LRRC8D: variants seen among roughly 807,000 people sequenced by gnomAD.
The protein encoded by LRRC8D is leucine rich repeat containing 8 VRAC subunit D, also known as volume-regulated anion channel subunit LRRC8D.
LRRC8D carries 20 observed loss-of-function variants against 55.8 expected under a neutral mutation model. The ratio of observed to expected loss-of-function variants is 0.36; its 90% CI spans 0.25 to 0.52. The LOEUF is 0.52. Ranked by LOEUF, LRRC8D falls within the 20% of genes least tolerant of loss-of-function variation. The pLI is 0.93. For synonymous variants in LRRC8D, 352 were observed against 377.0 expected (o/e 0.93, Z 0.77); for missense variants, 651 against 1,030.8 (o/e 0.63, Z 5.05).
intron 2 of LRRC8D, among the ~76,000 whole-genome samples, chr1:89,876,868 C>CCAA (rs1272006525): frequency 6.6e-6 from 1 of 152,226 alleles, no homozygotes; most frequent in East Asian, 1.9e-4. Context: ...CAAATAACTA[C>CCAA]ATGAAGATTG....
rs34852331 is a variant in LRRC8D at position 89,865,330 on chromosome 1, T to TTATATA, written c.-3+21573_-3+21578dup. ...GTACTAAATATGTATAAACATGAAA[T>TTATATA]TATATATATATATATATATATATAT... is the stretch of plus-strand genomic sequence containing the variant. On this transcript the variant is annotated intron_variant, in intron 2 of 2. Transcript: ENST00000337338. Among the ~76,000 whole-genome samples, 535 of 139,248 alleles carry TTATATA rather than the reference T, an allele frequency of 3.8e-3. 1 individual carries two copies. Among genetic ancestry groups the TTATATA allele is most frequent in the African/African-American group, 9.3e-3 (363 of 38,858 alleles). 91.4% of individuals were successfully genotyped at this position (139,248 alleles called of 152,430 possible). A position where few individuals can be genotyped will look rare whatever the true frequency, so the allele number is the denominator to read the frequency against.
At chr1:89,905,640 A>C (rs1469391670) in intron 2 of LRRC8D, among the ~76,000 whole-genome samples, 2 of 152,234 alleles carry the variant, frequency 1.3e-5, no homozygotes, top group African/African-American at 4.8e-5. Context: ...TTGGGTCTGC[A>C]GCCAAGTAGG....
At chr1:89,827,107 T>A (rs1660782529) in intron 1 of LRRC8D, among the ~76,000 whole-genome samples, 2 of 152,022 alleles carry the variant, frequency 1.3e-5, no homozygotes, top group Non-Finnish European at 2.9e-5. Context: ...TCCCAGCAGT[T>A]TGGGAGGCTG....
At position 89,899,870 on chromosome 1, in the gene LRRC8D, T is replaced by A. The variant is rs537602002; in HGVS notation, c.-2-33197T>A. Among the ~76,000 whole-genome samples, 206 of 152,364 alleles carry A rather than the reference T, an allele frequency of 1.4e-3. 1 individual carries two copies. Among genetic ancestry groups the A allele is most frequent in the South Asian group, 2.3e-3 (11 of 4,826 alleles). ...GTGACCAACAATTCCTGCCTTGCAG[T>A]ATCACTCTAAGGATTCAGCTAAAGA... On this transcript the variant is annotated intron_variant, in intron 2 of 2. Coordinates refer to ENST00000337338, the MANE Select transcript of LRRC8D (RefSeq NM_001134479.2).
Position 89,933,063 on chromosome 1 carries a change from C to G in LRRC8D, c.-2-4C>G. On this transcript the variant is annotated splice_region_variant and splice_polypyrimidine_tract_variant and intron_variant, in intron 2 of 2. Transcript: ENST00000337338. This position sits in a 1 kb window ranked among gnomAD's most constrained non-coding sequence, Gnocchi z 7.0. ...ATAATGTCTTTTGTCTTCTTGTTTT[C>G]TAGGAATGTTTACCCTTGCGGAAGT... The G allele has an allele frequency of 1.3e-6, 2 of 1,597,256 alleles. No homozygotes were observed. The highest frequency in any genetic ancestry group is 1.7e-6 in the Non-Finnish European group (2 of 1,166,952).
chr1:89,840,635 A>G (rs1661110834), intron 1 of LRRC8D, among the ~76,000 whole-genome samples: 1 of 152,188 alleles, frequency 6.6e-6, no homozygotes, highest in Admixed American at 6.5e-5. Context: ...AAACCATACA[A>G]ACTCTCCTAT....
chr1:89,933,719 A>G lies in LRRC8D; in HGVS notation c.651A>G (p.Ala217=), dbSNP rs766609449. 58 of 1,614,214 alleles carry G rather than the reference A, an allele frequency of 3.6e-5. No homozygotes were observed. Among genetic ancestry groups the G allele is most frequent in the Middle Eastern group, 3.3e-4 (2 of 6,062 alleles). Residue 217 remains alanine (A), a synonymous_variant, in exon 3 of 3, where the codon GCA becomes GCG. Transcript: ENST00000337338. This position sits in a 1 kb window ranked among gnomAD's most constrained non-coding sequence, Gnocchi z 7.0. ...PWTTKALSET[A]CEDSEENKQR... is the part of the protein sequence containing the mutation. ...CGACAAAAGCGTTGTCTGAGACAGC[A>G]TGCGAAGACTCAGAGGAAAACAAGC...
intron 2 of LRRC8D, among the ~76,000 whole-genome samples, chr1:89,851,137 C>T (rs930066620): frequency 6.7e-6 from 1 of 150,090 alleles, no homozygotes; most frequent in Non-Finnish European, 1.5e-5. Flanking sequence ...ACTTGGTCAT[C>T]TGTGTAGGGC....
At chr1:89,880,442 G>T (rs1037374109) in intron 2 of LRRC8D, among the ~76,000 whole-genome samples, 6 of 150,784 alleles carry the variant, frequency 4.0e-5, no homozygotes, top group Non-Finnish European at 7.4e-5. Context: ...TCAGAAAGAA[G>T]AGACCTAGGT....
At chr1:89,901,545 T>G (rs1662849720) in intron 2 of LRRC8D, among the ~76,000 whole-genome samples, 1 of 152,172 alleles carries the variant, frequency 6.6e-6, no homozygotes, top group African/African-American at 2.4e-5. Context: ...ATACTTCCCT[T>G]TCCACCTGAC....
At chr1:89,887,935 C>T (rs921396986) in intron 2 of LRRC8D, among the ~76,000 whole-genome samples, 2 of 152,258 alleles carry the variant, frequency 1.3e-5, no homozygotes, top group South Asian at 2.1e-4. Flanking sequence ...ACTGATCATA[C>T]CCTGAGTTTA....
chr1:89,822,964 A>G (rs990651833), intron 1 of LRRC8D, among the ~76,000 whole-genome samples: 1 of 152,208 alleles, frequency 6.6e-6, no homozygotes, highest in African/African-American at 2.4e-5. Flanking sequence ...AGGGGTCACG[A>G]AAAGTTGATT....
intron 2 of LRRC8D, among the ~76,000 whole-genome samples, chr1:89,851,189 T>C (rs531409481): frequency 2.6e-5 from 4 of 152,302 alleles, no homozygotes; most frequent in African/African-American, 7.2e-5. Context: ...TCTGTTGCTC[T>C]GTATGTGCTT....
At chr1:89,920,452 T>A (rs1663383094) in intron 2 of LRRC8D, among the ~76,000 whole-genome samples, 3 of 152,154 alleles carry the variant, frequency 2.0e-5, no homozygotes. Context: ...AGTGTTTTTT[T>A]AAATCTTGAG....
chr1:89,831,120 G>C (rs532589855), intron 1 of LRRC8D, among the ~76,000 whole-genome samples: 1 of 152,098 alleles, frequency 6.6e-6, no homozygotes, highest in South Asian at 2.1e-4. Flanking sequence ...TGGCCAGGCT[G>C]GTCTCGAACT....
intron 2 of LRRC8D, among the ~76,000 whole-genome samples, chr1:89,862,869 C>T (rs1056832791): frequency 6.6e-6 from 1 of 152,198 alleles, no homozygotes; most frequent in Non-Finnish European, 1.5e-5. Flanking sequence ...GACCCCTTGG[C>T]TTCCAGCAGG....
chr1:89,883,175 C>T (rs557867947), intron 2 of LRRC8D, among the ~76,000 whole-genome samples: 14 of 152,038 alleles, frequency 9.2e-5, no homozygotes, highest in South Asian at 2.1e-4. Flanking sequence ...GCACTTTCAC[C>T]GGGGCAGCTT....
At chr1:89,898,962 A>G (rs1662780732) in intron 2 of LRRC8D, among the ~76,000 whole-genome samples, 1 of 152,208 alleles carries the variant, frequency 6.6e-6, no homozygotes, top group Admixed American at 6.5e-5. Context: ...AGTGTTTTAA[A>G]TGTCGCTGGA....
intron 2 of LRRC8D, among the ~76,000 whole-genome samples, chr1:89,916,705 T>C (rs927482195): frequency 1.3e-5 from 2 of 149,116 alleles, no homozygotes; most frequent in Non-Finnish European, 3.0e-5. Flanking sequence ...TCTTCGTTGA[T>C]TTTTTTTTTC....
Sources: allele counts gnomAD v4.1 joint callset (sites outside exome capture counted in the v4.1 genomes callset), GRCh38; gene constraint gnomAD v4.1.1; non-coding constraint Gnocchi (gnomAD v3.1); transcripts MANE v1.5; gene names NCBI Gene and HGNC (gene_info 2026-07-23, HGNC 2026-07-21).